TMEM272: variants seen among roughly 807,000 people sequenced by gnomAD.
The protein encoded by TMEM272 is transmembrane protein 272.
In TMEM272, 8 loss-of-function variants were observed where a neutral mutation model predicts 3.7. The ratio of observed to expected loss-of-function variants is 2.17; its 90% confidence interval spans 1.27 to 3.91. The LOEUF is 3.91. TMEM272 is among the 30% of genes most tolerant of loss of function. The pLI is 0.00. For missense variants in TMEM272, 166 were observed against 91.5 expected (o/e 1.81, Z -3.32); for synonymous variants, 63 against 39.8 (o/e 1.58, Z -2.20).
chr13:51,878,275 A>G, the TMEM272 span, among the ~76,000 whole-genome samples: 1 of 152,126 alleles, frequency 6.6e-6, no homozygotes, highest in Admixed American at 6.5e-5. Context: ...CTAAAAATAC[A>G]AAAAATTAGC....
the TMEM272 span, among the ~76,000 whole-genome samples, chr13:51,895,508 G>T: frequency 6.6e-6 from 1 of 152,142 alleles, no homozygotes; most frequent in Non-Finnish European, 1.5e-5. Flanking sequence ...GCCCTGAAAA[G>T]AACTCTGGTG....
chr13:51,867,587 G>C, the TMEM272 span, among the ~76,000 whole-genome samples: 18 of 152,134 alleles, frequency 1.2e-4, no homozygotes, highest in Non-Finnish European at 2.2e-4. Context: ...AGGCCTCTGA[G>C]GCTTCAGAAG....
the TMEM272 span, among the ~76,000 whole-genome samples, chr13:51,896,655 T>G: frequency 6.6e-6 from 1 of 152,134 alleles, no homozygotes; most frequent in Non-Finnish European, 1.5e-5. Flanking sequence ...TCTCTTCCCA[T>G]GAGGCACCCC....
chr13:51,924,167 G>A, the TMEM272 span, among the ~76,000 whole-genome samples: 1 of 152,154 alleles, frequency 6.6e-6, no homozygotes, highest in Non-Finnish European at 1.5e-5. Context: ...GTCTGGGACT[G>A]GCCACCTGGT....
the TMEM272 span, chr13:51,908,211 A>G: frequency 2.6e-3 from 1,827 of 693,308 alleles, 20 homozygotes; most frequent in African/African-American, 0.019. Context: ...CAAAAATATT[A>G]TCAGGTTTCT....
chr13:51,926,679 A>G, the TMEM272 span, among the ~76,000 whole-genome samples: 1 of 151,512 alleles, frequency 6.6e-6, no homozygotes. Flanking sequence ...GCGCGCACGC[A>G]CACGCACAGT....
At chr13:51,897,275 T>C in the TMEM272 span, among the ~76,000 whole-genome samples, 1 of 151,880 alleles carries the variant, frequency 6.6e-6, no homozygotes, top group African/African-American at 2.4e-5. Flanking sequence ...CATGACTCAC[T>C]GTAGCCCTGA....
At chr13:51,827,265 G>C (rs1956133985) in intron 2 of TMEM272, among the ~76,000 whole-genome samples, 1 of 152,122 alleles carries the variant, frequency 6.6e-6, no homozygotes, top group African/African-American at 2.4e-5. Context: ...AGAGGAATGG[G>C]GGCTACACAG....
chr13:51,848,471 G>A (rs1956317195), upstream of TMEM272, among the ~76,000 whole-genome samples: 1 of 152,120 alleles, frequency 6.6e-6, no homozygotes, highest in African/African-American at 2.4e-5. Context: ...TTAAATGCTT[G>A]TCTTTAGTTG....
Position 51,813,498 on chromosome 13 carries a change from CATT to C in TMEM272, c.*3250_*3252del. The C allele has an allele frequency of 2.7e-6, 1 of 374,816 alleles. No individual in the cohort carries two copies. The allele number at this position is 374,816 out of a possible 1,614,324, so 23.2% of individuals were successfully genotyped here. ...AAATAACACGAAGTACTGGAAGTGA[CATT>C]ATATTGTCCTCATGGTGACAACCAG... On this transcript the variant is annotated 3_prime_UTR_variant, in exon 5 of 5. Coordinates refer to ENST00000629372, the MANE Select transcript of TMEM272 (RefSeq NM_001351003.2).
chr13:51,853,132 C>CGTG, the TMEM272 span, among the ~76,000 whole-genome samples: 1 of 152,160 alleles, frequency 6.6e-6, no homozygotes, highest in Non-Finnish European at 1.5e-5. Flanking sequence ...CCAGGCCAGG[C>CGTG]GTGGTGGCTC....
chr13:51,882,471 A>C, the TMEM272 span, among the ~76,000 whole-genome samples: 1 of 152,262 alleles, frequency 6.6e-6, no homozygotes, highest in Non-Finnish European at 1.5e-5. Context: ...CGTCCTAAGA[A>C]TTAAAAACCA....
the TMEM272 span, chr13:51,908,145 T>C: frequency 1.8e-6 from 1 of 551,006 alleles, no homozygotes; most frequent in Non-Finnish European, 3.4e-6. Context: ...ATCACTGAAG[T>C]AACAGCAGTT....
At chr13:51,930,889 C>A in the TMEM272 span, among the ~76,000 whole-genome samples, 2 of 151,696 alleles carry the variant, frequency 1.3e-5, no homozygotes, top group Non-Finnish European at 2.9e-5. Flanking sequence ...ATTTATTAAT[C>A]TTGATTCCTT....
chr13:51,900,791 T>G, the TMEM272 span, among the ~76,000 whole-genome samples: 1 of 152,162 alleles, frequency 6.6e-6, no homozygotes. Context: ...TAAAAATGAA[T>G]GATGTATTAC....
At chr13:51,827,436 CTGCTT>C (rs1188958782) in intron 2 of TMEM272, among the ~76,000 whole-genome samples, 1 of 152,222 alleles carries the variant, frequency 6.6e-6, no homozygotes, top group Non-Finnish European at 1.5e-5. Flanking sequence ...AATTACTTCC[CTGCTT>C]TGCTTCTTGG....
upstream of TMEM272, among the ~76,000 whole-genome samples, chr13:51,845,403 G>T (rs2139596166): frequency 6.6e-6 from 1 of 152,262 alleles, no homozygotes; most frequent in Non-Finnish European, 1.5e-5. Flanking sequence ...CTTAGTTCTG[G>T]TGCGAGCCCC....
chr13:51,834,395 C>T (rs1228249154), intron 2 of TMEM272, among the ~76,000 whole-genome samples: 1 of 152,198 alleles, frequency 6.6e-6, no homozygotes, highest in African/African-American at 2.4e-5. Context: ...AACTCCCATA[C>T]TTGAATTCTC....
the TMEM272 span, among the ~76,000 whole-genome samples, chr13:51,863,124 G>A: frequency 6.6e-6 from 1 of 152,244 alleles, no homozygotes; most frequent in Non-Finnish European, 1.5e-5. Context: ...TAGAGGATGC[G>A]ACATGTGCTT....
Sources: gnomAD v4.1 joint callset for allele counts (sites outside exome capture counted in the v4.1 genomes callset) on GRCh38, gnomAD v4.1.1 for gene constraint, MANE v1.5 for transcripts, NCBI Gene and HGNC (gene_info 2026-07-23, HGNC 2026-07-21) for gene names.